The following GAB2 variants were observed in gnomAD, a reference collection of about 807,000 sequenced individuals.
GAB2 encodes the protein GRB2 associated binding protein 2.
A neutral mutation model predicts 65.5 loss-of-function variants in GAB2; 26 were observed. The ratio of observed to expected loss-of-function variants is 0.40; its 90% CI spans 0.29 to 0.55. The LOEUF is 0.55. GAB2 is among the 20% of genes least tolerant of loss of function. The pLI, the probability that GAB2 is intolerant of heterozygous loss-of-function variation, is 0.53. For synonymous variants in GAB2, 321 were observed against 329.6 expected (o/e 0.97, Z 0.28); for missense variants, 884 against 875.8 (o/e 1.01, Z -0.12).
rs116486095 is a variant in GAB2 at position 78,306,865 on chromosome 11, C to T, written c.76-25964G>A. On this transcript the variant is annotated intron_variant, in intron 1 of 9. Coordinates refer to ENST00000361507, the MANE Select transcript of GAB2 (RefSeq NM_080491.3). Reference sequence around the variant, plus strand: ...GTTTCCTTGTTCGTAAAATAGATCACATTCCATCCATCTCACATAGTCACA... The same window carrying T: ...GTTTCCTTGTTCGTAAAATAGATCATATTCCATCCATCTCACATAGTCACA... Among the ~76,000 whole-genome samples the T allele has an allele frequency of 3.7e-3, 558 of 152,304 alleles. 4 individuals carry two copies. Among genetic ancestry groups the T allele is most frequent in the African/African-American group, 0.013 (538 of 41,554 alleles).
intron 2 of GAB2, among the ~76,000 whole-genome samples, chr11:78,261,792 C>T (rs1429992431): frequency 6.6e-6 from 1 of 152,192 alleles, no homozygotes; most frequent in African/African-American, 2.4e-5. Context: ...CAAATTTATA[C>T]TCGGAGGAGC....
chr11:78,280,747 T>A lies in GAB2; in HGVS notation c.230A>T (p.Lys77Met). The change falls in exon 2 of 10, where the codon AAG becomes ATG. Residue 77 changes from lysine (K) to methionine (M), a missense_variant. Transcript: ENST00000361507. ...CACAAAACTATCCTGCAGCTCCTTC[T>A]TGTTAAAGGTCAGGCCTGCATCTAC... ...EQVDAGLTFN[K>M]KELQDSFVFD... The A allele has an allele frequency of 6.2e-7, 1 of 1,614,198 alleles. No individual in the cohort carries two copies. The highest frequency in any genetic ancestry group is 8.5e-7 in the Non-Finnish European group (1 of 1,180,030).
chr11:78,346,352 G>T (rs560953392), intron 1 of GAB2, among the ~76,000 whole-genome samples: 1 of 152,114 alleles, frequency 6.6e-6, no homozygotes, highest in Non-Finnish European at 1.5e-5. Flanking sequence ...TTCAGAAAGA[G>T]ATCTAATAAA....
chr11:78,302,839 T>C (rs182048764), intron 1 of GAB2, among the ~76,000 whole-genome samples: 1 of 152,288 alleles, frequency 6.6e-6, no homozygotes, highest in African/African-American at 2.4e-5. Context: ...TACAGATAGA[T>C]ATATGATGGA....
At chr11:78,226,117 A>G (rs1053757059) in intron 4 of GAB2, among the ~76,000 whole-genome samples, 1 of 152,192 alleles carries the variant, frequency 6.6e-6, no homozygotes, top group South Asian at 2.1e-4. Context: ...TTCTGAATTT[A>G]TTTTTTAAAT....
intron 1 of GAB2, among the ~76,000 whole-genome samples, chr11:78,300,693 TTG>T (rs1231543916): frequency 3.8e-5 from 5 of 132,786 alleles, no homozygotes; most frequent in East Asian, 2.3e-4. Context: ...TGGTTTTTTT[TTG>T]TTTTTTTTTT....
intron 1 of GAB2, among the ~76,000 whole-genome samples, chr11:78,310,804 T>C (rs1250077117): frequency 6.6e-6 from 1 of 152,082 alleles, no homozygotes; most frequent in Non-Finnish European, 1.5e-5. Flanking sequence ...CAAAGTTCAT[T>C]GCCACAAACC....
chr11:78,226,191 A>G (rs183918638), intron 4 of GAB2, among the ~76,000 whole-genome samples: 1 of 152,348 alleles, frequency 6.6e-6, no homozygotes, highest in East Asian at 1.9e-4. Flanking sequence ...ATAATATGTT[A>G]TACTGTGGTT....
intron 1 of GAB2, among the ~76,000 whole-genome samples, chr11:78,395,210 T>C (rs1047979266): frequency 6.6e-6 from 1 of 152,138 alleles, no homozygotes; most frequent in African/African-American, 2.4e-5. Flanking sequence ...TCCCAGCACT[T>C]TGGGAGGCCA....
At chr11:78,383,526 T>C (rs1245724527) in intron 1 of GAB2, among the ~76,000 whole-genome samples, 1 of 147,292 alleles carries the variant, frequency 6.8e-6, no homozygotes, top group Non-Finnish European at 1.5e-5. Flanking sequence ...GACAAAATCA[T>C]TTGAGCCCAG....
intron 3 of GAB2, among the ~76,000 whole-genome samples, chr11:78,247,174 C>A (rs1428825391): frequency 2.0e-5 from 3 of 152,222 alleles, no homozygotes; most frequent in Non-Finnish European, 2.9e-5. Flanking sequence ...AAAAGTTCAT[C>A]TCTGTGTAGT....
chr11:78,414,271 G>T (rs1425070158), intron 1 of GAB2, among the ~76,000 whole-genome samples: 3 of 151,922 alleles, frequency 2.0e-5, no homozygotes, highest in Non-Finnish European at 4.4e-5. Flanking sequence ...TCTGTTTACT[G>T]GATTTTTATT....
intron 1 of GAB2, among the ~76,000 whole-genome samples, chr11:78,310,727 G>T (rs1855481799): frequency 6.6e-6 from 1 of 152,162 alleles, no homozygotes; most frequent in African/African-American, 2.4e-5. Context: ...GCCTGGTCGT[G>T]TTCCAGCGCC....
At chr11:78,272,031 C>G (rs1436783034) in intron 2 of GAB2, among the ~76,000 whole-genome samples, 3 of 152,236 alleles carry the variant, frequency 2.0e-5, no homozygotes, top group African/African-American at 4.8e-5. Context: ...ATTTGCTCCT[C>G]CTTTCCTTCT....
chr11:78,250,851 C>T (rs1387386525), intron 2 of GAB2, among the ~76,000 whole-genome samples: 4 of 152,148 alleles, frequency 2.6e-5, no homozygotes, highest in Non-Finnish European at 5.9e-5. Context: ...AATGCAGAAA[C>T]AGAAAACCAA....
intron 1 of GAB2, among the ~76,000 whole-genome samples, chr11:78,341,106 T>TA: frequency 6.6e-6 from 1 of 152,338 alleles, no homozygotes; most frequent in Admixed American, 6.5e-5. Flanking sequence ...AGCTCCTGAT[T>TA]ATATCTACTA....
chr11:78,338,834 C>G (rs1856045810), intron 1 of GAB2, among the ~76,000 whole-genome samples: 1 of 152,140 alleles, frequency 6.6e-6, no homozygotes, highest in Non-Finnish European at 1.5e-5. Context: ...ACAATGACTC[C>G]AAATTTCACT....
rs919242035 is a variant in GAB2 at position 78,322,012 on chromosome 11, T to C, written c.76-41111A>G. On this transcript the variant is annotated intron_variant, in intron 1 of 9. Coordinates refer to ENST00000361507, the MANE Select transcript of GAB2 (RefSeq NM_080491.3). ...ACTCAAGATAGATTAAAGACTTAAA[T>C]GCAAGATCTCAGCTGGGCACAGTGG... Among the ~76,000 whole-genome samples, 4 of 152,036 alleles carry C rather than the reference T, an allele frequency of 2.6e-5. No individual in the cohort carries two copies. In the East Asian group the frequency reaches 7.7e-4, roughly 29 times the overall value.
intron 1 of GAB2, chr11:78,392,483 A>G (rs1030230915): frequency 6.6e-6 from 1 of 152,240 alleles, no homozygotes; most frequent in Admixed American, 6.5e-5. Flanking sequence ...TAACATTCCT[A>G]TGATGCCATT....
Sources: gnomAD v4.1 joint callset for allele counts (sites outside exome capture counted in the v4.1 genomes callset) on GRCh38, gnomAD v4.1.1 for gene constraint, MANE v1.5 for transcripts, NCBI Gene and HGNC (gene_info 2026-07-23, HGNC 2026-07-21) for gene names.